The following PTPRM variants were observed in gnomAD, a reference collection of about 807,000 sequenced individuals.
PTPRM encodes the protein receptor-type tyrosine-protein phosphatase mu.
Under a neutral mutation model 186.7 loss-of-function variants are expected in PTPRM, and 47 were observed. The observed-to-expected ratio is 0.25, with a 90% CI of 0.20 to 0.32. The LOEUF (loss-of-function observed/expected upper bound fraction) is 0.32, where lower values mean the gene tolerates loss of function less well. PTPRM is among the 10% of genes least tolerant of loss of function. PTPRM has a pLI of 1.00. For synonymous variants in PTPRM, 668 were observed against 674.9 expected (o/e 0.99, Z 0.16); for missense variants, 1,494 against 1,865.0 (o/e 0.80, Z 3.66).
At chr18:8,179,455 C>G (rs868318853) in intron 14 of PTPRM, among the ~76,000 whole-genome samples, 1 of 151,592 alleles carries the variant, frequency 6.6e-6, no homozygotes, top group African/African-American at 2.4e-5. Flanking sequence ...TCCTAAATAT[C>G]CCTCTTTTTT....
At chr18:7,958,480 A>T (rs2053463887) in intron 7 of PTPRM, among the ~76,000 whole-genome samples, 2 of 152,146 alleles carry the variant, frequency 1.3e-5, no homozygotes. Context: ...AGGAAAGGGC[A>T]CCTGTGTAAA....
chr18:7,904,584 G>C (rs939230112), intron 3 of PTPRM, among the ~76,000 whole-genome samples: 2 of 152,144 alleles, frequency 1.3e-5, no homozygotes, highest in Non-Finnish European at 2.9e-5. Flanking sequence ...CAAGTTGTTA[G>C]GTACATCATT....
At chr18:7,842,497 T>C (rs961866158) in intron 2 of PTPRM, among the ~76,000 whole-genome samples, 2 of 152,328 alleles carry the variant, frequency 1.3e-5, no homozygotes, top group Admixed American at 6.5e-5. Context: ...GCCGTGAAGA[T>C]ATTTTTAGAT....
intron 14 of PTPRM, among the ~76,000 whole-genome samples, chr18:8,190,224 C>A (rs754659806): frequency 2.0e-5 from 3 of 152,152 alleles, no homozygotes; most frequent in Admixed American, 6.5e-5. Flanking sequence ...TGAAATTATT[C>A]TTCTTGTCTA....
intron 14 of PTPRM, among the ~76,000 whole-genome samples, chr18:8,174,870 C>A (rs1405653927): frequency 2.0e-5 from 3 of 152,190 alleles, no homozygotes; most frequent in African/African-American, 7.2e-5. Context: ...AAATTAATTG[C>A]AACATGGTCC....
At chr18:7,641,649 A>T (rs1260302803) in intron 1 of PTPRM, among the ~76,000 whole-genome samples, 1 of 152,230 alleles carries the variant, frequency 6.6e-6, no homozygotes, top group Non-Finnish European at 1.5e-5. Context: ...TTTTTGAAGA[A>T]TTTGATATGA....
At chr18:7,780,618 A>G (rs764747952) in intron 2 of PTPRM, among the ~76,000 whole-genome samples, 2 of 152,150 alleles carry the variant, frequency 1.3e-5, no homozygotes, top group African/African-American at 2.4e-5. Flanking sequence ...AACGACTACT[A>G]TGGGCCTGGC....
chr18:8,254,378 C>T lies in PTPRM; in HGVS notation c.2754+964C>T, dbSNP rs193096929. Among the ~76,000 whole-genome samples, 477 of 152,272 alleles carry T rather than the reference C, an allele frequency of 3.1e-3. 4 individuals carry two copies. Among genetic ancestry groups the T allele is most frequent in the Non-Finnish European group, 2.2e-3 (148 of 68,022 alleles). Reference sequence around the variant, plus strand: ...TCTAATTCAAAGAAGCATGCCATCCCTTGAGTGGGTGGTGTGGGGCCCAGG... The same window carrying T: ...TCTAATTCAAAGAAGCATGCCATCCTTTGAGTGGGTGGTGTGGGGCCCAGG... On this transcript the variant is annotated intron_variant, in intron 19 of 32. Transcript: ENST00000580170.
chr18:7,614,606 A>G (rs1209196481), intron 1 of PTPRM, among the ~76,000 whole-genome samples: 1 of 152,170 alleles, frequency 6.6e-6, no homozygotes, highest in Non-Finnish European at 1.5e-5. Flanking sequence ...CTGTTTAATA[A>G]TCTGACTTTT....
chr18:8,085,241 C>T (rs1238653869), intron 9 of PTPRM, among the ~76,000 whole-genome samples: 1 of 152,014 alleles, frequency 6.6e-6, no homozygotes, highest in African/African-American at 2.4e-5. Context: ...CACTTCAGTG[C>T]CCTCGTTCCC....
At chr18:8,349,669 T>A (rs1307554733) in intron 23 of PTPRM, among the ~76,000 whole-genome samples, 1 of 152,188 alleles carries the variant, frequency 6.6e-6, no homozygotes, top group Non-Finnish European at 1.5e-5. Context: ...CCTTAGAAAC[T>A]AAGCTTGTCC....
intron 7 of PTPRM, among the ~76,000 whole-genome samples, chr18:7,985,074 CAT>C (rs1395005757): frequency 6.3e-5 from 8 of 126,438 alleles, no homozygotes; most frequent in East Asian, 2.3e-4. Context: ...ATTGTATATA[CAT>C]ATATAAATAT....
At position 8,314,821 on chromosome 18, in the gene PTPRM, C is replaced by T. The variant is rs1327180178; in HGVS notation, c.2883C>T (p.Asp961=). ...TGAGGCTGCAGACAATAGAAGGAGACACAAACTCAGACTATATCAATGGCA... is the reference window on the plus strand; with the variant it reads ...TGAGGCTGCAGACAATAGAAGGAGATACAAACTCAGACTATATCAATGGCA... The part of the protein sequence containing the change: ...SRVRLQTIEG[D]TNSDYINGNY... The change falls in exon 21 of 33, where the codon GAC becomes GAT. Residue 961 remains aspartate (D), a synonymous_variant. Transcript: ENST00000580170. 1.2e-6 allele frequency: 2 copies of T among 1,611,018 alleles called. No homozygotes were observed. The highest frequency in any genetic ancestry group is 1.7e-6 in the Non-Finnish European group (2 of 1,177,756).
intron 5 of PTPRM, among the ~76,000 whole-genome samples, chr18:7,939,520 C>T (rs2052034734): frequency 6.6e-6 from 1 of 152,120 alleles, no homozygotes; most frequent in South Asian, 2.1e-4. Flanking sequence ...ACTATCAGTA[C>T]TTTTTTCTAG....
chr18:8,081,762 C>A (rs1250809151), intron 9 of PTPRM, among the ~76,000 whole-genome samples: 1 of 152,114 alleles, frequency 6.6e-6, no homozygotes, highest in Non-Finnish European at 1.5e-5. Flanking sequence ...GGAAACCCAT[C>A]ACCTTTGTGA....
chr18:7,914,650 T>G (rs2050451716), intron 4 of PTPRM, among the ~76,000 whole-genome samples: 1 of 152,274 alleles, frequency 6.6e-6, no homozygotes, highest in South Asian at 2.1e-4. Context: ...TGTGATAGAC[T>G]TGCTAGAATT....
intron 15 of PTPRM, among the ~76,000 whole-genome samples, chr18:8,246,872 A>G (rs1601455010): frequency 6.6e-6 from 1 of 152,200 alleles, no homozygotes; most frequent in African/African-American, 2.4e-5. Flanking sequence ...TTAATATGTC[A>G]TCAGAATAAT....
At chr18:7,777,317 G>A (rs2042635469) in intron 2 of PTPRM, among the ~76,000 whole-genome samples, 1 of 152,048 alleles carries the variant, frequency 6.6e-6, no homozygotes, top group South Asian at 2.1e-4. Flanking sequence ...AAGAGTGGTT[G>A]TTACATGTTT....
At chr18:8,374,626 C>T (rs191469037) in intron 24 of PTPRM, among the ~76,000 whole-genome samples, 7 of 152,316 alleles carry the variant, frequency 4.6e-5, no homozygotes, top group African/African-American at 1.7e-4. Flanking sequence ...ACTCTGGGAT[C>T]ACAGAGCCTA....
Sources: allele counts gnomAD v4.1 joint callset (sites outside exome capture counted in the v4.1 genomes callset), GRCh38; gene constraint gnomAD v4.1.1; transcripts MANE v1.5; gene names NCBI Gene and HGNC (gene_info 2026-07-23, HGNC 2026-07-21).